The following PPFIA2 variants were observed in gnomAD, a reference collection of about 807,000 sequenced individuals.
PPFIA2 encodes PPFI scaffold protein A2.
Under a neutral mutation model 175.5 loss-of-function variants are expected in PPFIA2, and 46 were observed. The ratio of observed to expected loss-of-function variants is 0.26; its 90% CI spans 0.21 to 0.34. The LOEUF is 0.34. Ranked by LOEUF, PPFIA2 falls within the 10% of genes least tolerant of loss-of-function variation. The pLI is 1.00. For missense variants in PPFIA2, 1,179 were observed against 1,506.1 expected (o/e 0.78, Z 3.60); for synonymous variants, 568 against 511.4 (o/e 1.11, Z -1.49).
At chr12:81,471,936 A>G (rs2056803544) in intron 4 of PPFIA2, among the ~76,000 whole-genome samples, 1 of 152,222 alleles carries the variant, frequency 6.6e-6, no homozygotes. Flanking sequence ...ATGAGTATAT[A>G]CATATGTCCA....
chr12:81,721,178 G>C (rs1302081806), intron 3 of PPFIA2, among the ~76,000 whole-genome samples: 1 of 151,002 alleles, frequency 6.6e-6, no homozygotes, highest in Non-Finnish European at 1.5e-5. Context: ...CTAGTGAAAT[G>C]AAGAAAGGGG....
chr12:81,685,264 A>G (rs2074264371), intron 3 of PPFIA2, among the ~76,000 whole-genome samples: 1 of 152,086 alleles, frequency 6.6e-6, no homozygotes, highest in South Asian at 2.1e-4. Flanking sequence ...TTAATGAGGC[A>G]TCTTCCTCCT....
At chr12:81,308,831 G>T (rs2050001864) in intron 22 of PPFIA2, among the ~76,000 whole-genome samples, 1 of 152,220 alleles carries the variant, frequency 6.6e-6, no homozygotes, top group East Asian at 1.9e-4. Flanking sequence ...AAATGAATGA[G>T]ATAGAAAAGT....
Position 81,660,716 on chromosome 12 carries a change from G to A in PPFIA2, c.303+16075C>T, listed in dbSNP as rs571443218. On this transcript the variant is annotated intron_variant, in intron 4 of 32. Transcript: ENST00000549396. ...AGAGAACGCCACAAAGATACTCCTC[G>A]AGAAGAGCAACTCCAAGACACATAA... 3.4e-4 allele frequency among the ~76,000 whole-genome samples: 52 copies of A among 152,194 alleles called. No individual in the cohort carries two copies. The East Asian group carries it at 9.5e-3, about 28-fold the overall frequency.
At chr12:81,641,612 C>T (rs1339357332) in intron 4 of PPFIA2, among the ~76,000 whole-genome samples, 1 of 152,042 alleles carries the variant, frequency 6.6e-6, no homozygotes, top group African/African-American at 2.4e-5. Flanking sequence ...ATGAAGGACC[C>T]CACAATATGA....
chr12:81,402,581 C>T (rs189784509), intron 8 of PPFIA2, among the ~76,000 whole-genome samples: 4 of 152,198 alleles, frequency 2.6e-5, no homozygotes, highest in South Asian at 2.1e-4. Context: ...TAGCTGAGCA[C>T]GGTGGCTCAC....
rs189223464 is a variant in PPFIA2 at position 81,396,706 on chromosome 12, T to A, written c.762+9081A>T. ...TAGAATATATCCATAGACATTTTTT[T>A]AAAAATGAAAATGAACAGATTACTC... On this transcript the variant is annotated intron_variant, in intron 8 of 32. Coordinates refer to ENST00000549396, the MANE Select transcript of PPFIA2 (RefSeq NM_003625.5). Among the ~76,000 whole-genome samples, 235 of 152,210 alleles carry A rather than the reference T, an allele frequency of 1.5e-3. 1 individual carries two copies. The highest frequency in any genetic ancestry group is 5.4e-3 in the African/African-American group (226 of 41,542).
intron 4 of PPFIA2, among the ~76,000 whole-genome samples, chr12:81,653,941 T>C (rs1341260729): frequency 6.6e-6 from 1 of 152,058 alleles, no homozygotes; most frequent in Non-Finnish European, 1.5e-5. Flanking sequence ...TAAATATAGA[T>C]ATGAGTAAAC....
At chr12:81,313,810 C>A (rs2051592086) in intron 22 of PPFIA2, among the ~76,000 whole-genome samples, 1 of 151,922 alleles carries the variant, frequency 6.6e-6, no homozygotes, top group African/African-American at 2.4e-5. Flanking sequence ...GGAATCACTT[C>A]CCTATAAAAC....
At chr12:81,751,980 T>C (rs2083886774) in intron 3 of PPFIA2, among the ~76,000 whole-genome samples, 2 of 152,084 alleles carry the variant, frequency 1.3e-5, no homozygotes, top group African/African-American at 2.4e-5. Flanking sequence ...TTTGGTAAGA[T>C]TGGGATTTAA....
chr12:81,288,367 A>G (rs975690108), intron 24 of PPFIA2, among the ~76,000 whole-genome samples: 2 of 151,772 alleles, frequency 1.3e-5, no homozygotes, highest in African/African-American at 4.8e-5. Context: ...TATGCTTGAG[A>G]TTATCTTGCT....
At chr12:81,525,140 A>C (rs910575723) in intron 4 of PPFIA2, among the ~76,000 whole-genome samples, 2 of 152,200 alleles carry the variant, frequency 1.3e-5, no homozygotes, top group Non-Finnish European at 2.9e-5. Flanking sequence ...CACATTCCTT[A>C]ATAATTCTCT....
intron 9 of PPFIA2, among the ~76,000 whole-genome samples, chr12:81,378,782 A>G (rs2036968085): frequency 6.6e-6 from 1 of 152,192 alleles, no homozygotes; most frequent in South Asian, 2.1e-4. Flanking sequence ...TGAGCACTGA[A>G]GTAGTACATA....
intron 4 of PPFIA2, among the ~76,000 whole-genome samples, chr12:81,593,046 C>T (rs545032660): frequency 3.9e-5 from 6 of 152,140 alleles, no homozygotes; most frequent in Non-Finnish European, 7.4e-5. Flanking sequence ...GCATGAGCCA[C>T]CATGCCCAGC....
chr12:81,598,621 A>ATT (rs562586673), intron 4 of PPFIA2, among the ~76,000 whole-genome samples: 19 of 147,344 alleles, frequency 1.3e-4, no homozygotes, highest in African/African-American at 4.7e-4. Context: ...ACAAGATGTG[A>ATT]TTTTTTTTTT....
At chr12:81,566,835 T>C (rs756697293) in intron 4 of PPFIA2, among the ~76,000 whole-genome samples, 67 of 152,218 alleles carry the variant, frequency 4.4e-4, no homozygotes, top group Admixed American at 1.4e-3. Context: ...ACTTACTACA[T>C]ACACTTTCTC....
intron 4 of PPFIA2, among the ~76,000 whole-genome samples, chr12:81,568,476 C>G (rs1441274451): frequency 6.6e-6 from 1 of 152,154 alleles, no homozygotes; most frequent in East Asian, 1.9e-4. Flanking sequence ...TATAGAGCTT[C>G]CTGAATGGGT....
At chr12:81,637,183 C>T (rs1194797096) in intron 4 of PPFIA2, among the ~76,000 whole-genome samples, 4 of 148,862 alleles carry the variant, frequency 2.7e-5, no homozygotes, top group Non-Finnish European at 4.4e-5. Context: ...GATTCTCCTG[C>T]CTCAGCCTCC....
At chr12:81,604,696 G>T (rs115273422) in intron 4 of PPFIA2, among the ~76,000 whole-genome samples, 1 of 151,306 alleles carries the variant, frequency 6.6e-6, no homozygotes. Flanking sequence ...TTACGTGAAG[G>T]GTAAATAACA....
Sources: allele counts gnomAD v4.1 joint callset (sites outside exome capture counted in the v4.1 genomes callset), GRCh38; gene constraint gnomAD v4.1.1; transcripts MANE v1.5; gene names NCBI Gene and HGNC (gene_info 2026-07-23, HGNC 2026-07-21).